ENTREP2: variants seen among roughly 807,000 people sequenced by gnomAD.
ENTREP2 encodes the protein protein ENTREP2.
the ENTREP2 span, among the ~76,000 whole-genome samples, chr15:29,199,372 G>A: frequency 6.6e-6 from 1 of 152,178 alleles, no homozygotes; most frequent in African/African-American, 2.4e-5. Flanking sequence ...AGAGATAGAG[G>A]AAGTTCTAAG....
the ENTREP2 span, among the ~76,000 whole-genome samples, chr15:29,319,908 T>C: frequency 6.6e-6 from 1 of 152,174 alleles, no homozygotes; most frequent in East Asian, 1.9e-4. Context: ...CACTTTTGTG[T>C]GTTTTGCCTC....
chr15:29,643,938 G>A, the ENTREP2 span, among the ~76,000 whole-genome samples: 47 of 152,198 alleles, frequency 3.1e-4, 1 homozygote, highest in African/African-American at 4.8e-4. Flanking sequence ...ATTTGTAGGC[G>A]TATACTGAAT....
At chr15:29,467,003 TGATG>T in the ENTREP2 span, among the ~76,000 whole-genome samples, 1 of 131,908 alleles carries the variant, frequency 7.6e-6, no homozygotes, top group African/African-American at 2.9e-5. Flanking sequence ...GGGAGGATGC[TGATG>T]GCCCCAGGGG....
the ENTREP2 span, among the ~76,000 whole-genome samples, chr15:29,482,278 G>A: frequency 1.3e-5 from 2 of 151,514 alleles, no homozygotes; most frequent in African/African-American, 4.9e-5. Flanking sequence ...CCAAAGTGCT[G>A]AGATTACAGG....
At chr15:29,598,820 C>T in the ENTREP2 span, among the ~76,000 whole-genome samples, 4 of 152,260 alleles carry the variant, frequency 2.6e-5, no homozygotes, top group East Asian at 1.9e-4. Flanking sequence ...CCTCAGCCTC[C>T]GGAGTAGCTG....
chr15:29,472,213 G>C, the ENTREP2 span, among the ~76,000 whole-genome samples: 770 of 152,158 alleles, frequency 5.1e-3, 8 homozygotes, highest in African/African-American at 0.018. Context: ...CTCTGGGGAC[G>C]CTTAAATGCT....
the ENTREP2 span, among the ~76,000 whole-genome samples, chr15:29,171,828 T>C: frequency 4.6e-5 from 7 of 152,212 alleles, no homozygotes; most frequent in African/African-American, 1.7e-4. Context: ...TTAGCCACTA[T>C]GTGATGTGCT....
chr15:29,380,687 C>T, the ENTREP2 span, among the ~76,000 whole-genome samples: 1 of 152,158 alleles, frequency 6.6e-6, no homozygotes, highest in Admixed American at 6.5e-5. Context: ...ATTCAAGTAA[C>T]TCTTTTTATT....
At chr15:29,157,863 G>T in the ENTREP2 span, among the ~76,000 whole-genome samples, 1 of 151,854 alleles carries the variant, frequency 6.6e-6, no homozygotes, top group Admixed American at 6.6e-5. Context: ...CCGAGTAGCT[G>T]GGATTACAGG....
At chr15:29,185,161 C>A in the ENTREP2 span, among the ~76,000 whole-genome samples, 1 of 152,030 alleles carries the variant, frequency 6.6e-6, no homozygotes, top group Non-Finnish European at 1.5e-5. Flanking sequence ...ATTGTCCCAG[C>A]ATGTTGGCCA....
the ENTREP2 span, among the ~76,000 whole-genome samples, chr15:29,518,319 C>A: frequency 6.6e-6 from 1 of 152,234 alleles, no homozygotes; most frequent in African/African-American, 2.4e-5. Context: ...GAACTCATTC[C>A]TCCTGCATAA....
the ENTREP2 span, among the ~76,000 whole-genome samples, chr15:29,261,725 G>T: frequency 0.62 from 93,594 of 151,804 alleles, 28,921 homozygotes; most frequent in African/African-American, 0.66. Flanking sequence ...TCCAAATATT[G>T]GAAAATTTAA....
the ENTREP2 span, among the ~76,000 whole-genome samples, chr15:29,529,095 C>T: frequency 7.0e-6 from 1 of 143,842 alleles, no homozygotes; most frequent in Non-Finnish European, 1.5e-5. Context: ...TTTGAGTCTT[C>T]CCTGGGATTC....
chr15:29,399,468 G>A, the ENTREP2 span, among the ~76,000 whole-genome samples: 1 of 152,320 alleles, frequency 6.6e-6, no homozygotes, highest in Non-Finnish European at 1.5e-5. Flanking sequence ...TGAAAATAAA[G>A]TGATCACCTA....
chr15:29,608,020 G>T, the ENTREP2 span, among the ~76,000 whole-genome samples: 4 of 152,142 alleles, frequency 2.6e-5, no homozygotes, highest in Admixed American at 2.6e-4. Context: ...ATCCAGCATG[G>T]AAGAAAGATG....
the ENTREP2 span, among the ~76,000 whole-genome samples, chr15:29,373,182 TAAAA>T: frequency 6.6e-6 from 1 of 150,662 alleles, no homozygotes. Flanking sequence ...AAAGAAAAAA[TAAAA>T]ATAAAAATAA....
chr15:29,395,081 G>C, the ENTREP2 span, among the ~76,000 whole-genome samples: 1 of 150,736 alleles, frequency 6.6e-6, no homozygotes, highest in African/African-American at 2.4e-5. Flanking sequence ...GTAGAGACGG[G>C]GTTTCACCAT....
chr15:29,650,454 G>A, the ENTREP2 span, among the ~76,000 whole-genome samples: 1 of 152,040 alleles, frequency 6.6e-6, no homozygotes, highest in African/African-American at 2.4e-5. Flanking sequence ...TTAGCCAGGC[G>A]TGGTGGTACA....
chr15:29,601,080 G>A, the ENTREP2 span, among the ~76,000 whole-genome samples: 1 of 151,002 alleles, frequency 6.6e-6, no homozygotes, highest in Non-Finnish European at 1.5e-5. Context: ...TGTATTTTCA[G>A]TAGAGACGGG....
Sources: allele counts gnomAD v4.1 joint callset (sites outside exome capture counted in the v4.1 genomes callset), GRCh38; gene constraint gnomAD v4.1.1; transcripts MANE v1.5; gene names NCBI Gene and HGNC (gene_info 2026-07-23, HGNC 2026-07-21).